PAPOLA: variants seen among roughly 807,000 people sequenced by gnomAD.
The protein encoded by PAPOLA is poly(A) polymerase alpha, also known as polynucleotide adenylyltransferase alpha.
PAPOLA carries 15 observed loss-of-function variants against 100.6 expected under a neutral mutation model. That is an observed-to-expected ratio of 0.15 (90% CI 0.10 to 0.23). The LOEUF (loss-of-function observed/expected upper bound fraction) is 0.23. PAPOLA is among the 10% of genes least tolerant of loss of function. The probability of loss-of-function intolerance (pLI) is 1.00; values close to 1 mark genes in which losing one functional copy is unlikely to be tolerated. For synonymous variants in PAPOLA, 293 were observed against 300.0 expected (o/e 0.98, Z 0.24); for missense variants, 533 against 884.2 (o/e 0.60, Z 5.04).
In PAPOLA at chr14:96,565,402, C is replaced by T. The variant is rs1291291150; in HGVS notation, c.*352C>T. 3.2e-6 allele frequency: 1 copy of T among 314,116 alleles called. No homozygotes were observed. The highest frequency in any genetic ancestry group is 5.8e-6 in the Non-Finnish European group (1 of 171,962). The allele number at this position is 314,116 out of a possible 1,614,324, so 19.5% of individuals were successfully genotyped here. A position where few individuals can be genotyped will look rare whatever the true frequency, so the allele number is the denominator to read the frequency against. ...GCAATACAAACTGGCATAAGAATTA[C>T]TTATTCTGATGATGCACTTTTATGT... is the stretch of plus-strand genomic sequence containing the variant. On this transcript the variant is annotated 3_prime_UTR_variant, in exon 22 of 22. Coordinates refer to ENST00000216277, the MANE Select transcript of PAPOLA (RefSeq NM_032632.5).
At chr14:96,540,998 T>A (rs192596850) in intron 12 of PAPOLA, among the ~76,000 whole-genome samples, 2 of 152,330 alleles carry the variant, frequency 1.3e-5, no homozygotes, top group Admixed American at 1.3e-4. Flanking sequence ...CATGCCATTC[T>A]CCTGCCTCAG....
At chr14:96,559,550 C>CCTCTCTCTCTCTCT (rs66829530) in intron 19 of PAPOLA, among the ~76,000 whole-genome samples, 40 of 118,478 alleles carry the variant, frequency 3.4e-4, no homozygotes, top group African/African-American at 1.1e-3. Flanking sequence ...GCTAAATTAA[C>CCTCTCTCTCTCTCT]CTCTCTCTCT....
intron 13 of PAPOLA, 171 bp downstream of exon 13, chr14:96,542,467 A>G: frequency 1.8e-6 from 1 of 563,874 alleles, no homozygotes; most frequent in Non-Finnish European, 3.1e-6. Context: ...GGAGATCCAT[A>G]TGCAACTTAT....
intron 3 of PAPOLA, among the ~76,000 whole-genome samples, chr14:96,522,550 A>G (rs1203385581): frequency 3.3e-5 from 5 of 151,912 alleles, no homozygotes; most frequent in Non-Finnish European, 7.4e-5. Flanking sequence ...AGCTGGGACT[A>G]TATAGGTGGG....
chr14:96,556,285 C>T lies in PAPOLA; in HGVS notation c.1876C>T (p.Pro626Ser), dbSNP rs1035776620. 6 of 1,613,874 alleles carry T rather than the reference C, an allele frequency of 3.7e-6. No homozygotes were observed. Among genetic ancestry groups the T allele is most frequent in the Non-Finnish European group, 4.2e-6 (5 of 1,179,998 alleles). Reference sequence around the variant, plus strand: ...TTCAACACGTCTGGTAAACCCACCACCTAGATCTTCAGGAAATGCAGCAAC... The same window carrying T: ...TTCAACACGTCTGGTAAACCCACCATCTAGATCTTCAGGAAATGCAGCAAC... The part of the protein sequence containing the change: ...VSSTRLVNPP[P>S]RSSGNAATSG... Residue 626 changes from proline (P) to serine (S), a missense_variant, in exon 19 of 22, where the codon CCT (proline) becomes TCT (serine). Physicochemically the swap from Pro to Ser is moderately conservative, Grantham distance 74. This residue lies in a region of PAPOLA where 242 missense variants were observed against 281.0 expected (regional missense o/e 0.86). Transcript: ENST00000216277.
chr14:96,510,174 C>T (rs1004260219), intron 1 of PAPOLA, among the ~76,000 whole-genome samples: 1 of 151,888 alleles, frequency 6.6e-6, no homozygotes, highest in African/African-American at 2.4e-5. Context: ...GATTTTACGG[C>T]AGTTTTTATA....
intron 10 of PAPOLA, chr14:96,535,109 A>T (rs1428631779): frequency 1.0e-6 from 1 of 980,128 alleles, no homozygotes; most frequent in South Asian, 4.7e-5. Context: ...AAGTTACAAC[A>T]TTTACCGCTT....
chr14:96,533,239 A>T, intron 9 of PAPOLA: 8 of 983,868 alleles, frequency 8.1e-6, no homozygotes, highest in Non-Finnish European at 9.7e-6. Flanking sequence ...GTAGAATAAA[A>T]GATTACTGCC....
chr14:96,516,621 GAGC>G, intron 1 of PAPOLA, among the ~76,000 whole-genome samples: 1 of 152,268 alleles, frequency 6.6e-6, no homozygotes, highest in East Asian at 1.9e-4. Context: ...TTATATGCAT[GAGC>G]CATGGTGCCT....
chr14:96,518,143 A>G (rs1897622390), intron 1 of PAPOLA, among the ~76,000 whole-genome samples: 1 of 152,242 alleles, frequency 6.6e-6, no homozygotes, highest in African/African-American at 2.4e-5. Context: ...ATATTTATTC[A>G]GTAAATGTTA....
rs970000373 is a variant in PAPOLA at position 96,533,001 on chromosome 14, CTCTA to C, written c.836+358_836+361del. The C allele has an allele frequency of 2.0e-4, 200 of 996,182 alleles. No individual in the cohort carries two copies. The African/African-American group carries it at 2.1e-3, about 11-fold the overall frequency. 61.7% of individuals were successfully genotyped at this position (996,182 alleles called of 1,614,324 possible). ...CACTACCTCTTTCACTCTTTTAATT[CTCTA>C]TCTATAGGCCATTAGTTTCTTGTGA... On this transcript the variant is annotated intron_variant, in intron 9 of 21. Transcript: ENST00000216277.
At chr14:96,523,746 A>C (rs939336078) in intron 3 of PAPOLA, among the ~76,000 whole-genome samples, 4 of 152,136 alleles carry the variant, frequency 2.6e-5, no homozygotes, top group African/African-American at 7.2e-5. Context: ...AGTTCGAGAC[A>C]AGCCTGACTA....
intron 19 of PAPOLA, among the ~76,000 whole-genome samples, chr14:96,559,030 T>C (rs1169354829): frequency 1.3e-5 from 2 of 151,920 alleles, no homozygotes; most frequent in Non-Finnish European, 2.9e-5. Flanking sequence ...TTTTTTTTTT[T>C]TTGGTGTATG....
intron 1 of PAPOLA, among the ~76,000 whole-genome samples, chr14:96,512,214 CTTGA>C (rs925534997): frequency 5.3e-5 from 8 of 151,434 alleles, no homozygotes; most frequent in Non-Finnish European, 7.4e-5. Flanking sequence ...CTCAATTCTG[CTTGA>C]TTGTGTTTCT....
At chr14:96,534,799 C>G in intron 10 of PAPOLA, 1 of 1,272,380 alleles carries the variant, frequency 7.9e-7, no homozygotes, top group Non-Finnish European at 1.0e-6. Flanking sequence ...ACAGATTTTA[C>G]TAACATTTTA....
chr14:96,544,104 T>G (rs1423883330), intron 14 of PAPOLA, 45 bp from the exon 15 acceptor site: 1 of 1,032,870 alleles, frequency 9.7e-7, no homozygotes, highest in South Asian at 1.3e-5. Flanking sequence ...GATAGCTACA[T>G]TTTCATGAAA....
At chr14:96,504,983 C>T (rs1415568379) in intron 1 of PAPOLA, among the ~76,000 whole-genome samples, 2 of 152,042 alleles carry the variant, frequency 1.3e-5, no homozygotes, top group Non-Finnish European at 2.9e-5. Context: ...TCAAAATTAT[C>T]GAAATTTAGG....
intron 15 of PAPOLA, among the ~76,000 whole-genome samples, chr14:96,544,709 T>A (rs546809246): frequency 6.6e-6 from 1 of 152,154 alleles, no homozygotes; most frequent in Admixed American, 6.5e-5. Context: ...GACTTGCGCA[T>A]AATTTCTTGA....
intron 1 of PAPOLA, among the ~76,000 whole-genome samples, chr14:96,509,478 A>T (rs1896958406): frequency 6.6e-6 from 1 of 152,270 alleles, no homozygotes; most frequent in Non-Finnish European, 1.5e-5. Context: ...GTATACTTGT[A>T]GTATACACAG....
Sources: gnomAD v4.1 joint callset for allele counts (sites outside exome capture counted in the v4.1 genomes callset) on GRCh38, gnomAD v4.1.1 for gene constraint, gnomAD v4.1.1 regional missense constraint, MANE v1.5 for transcripts, NCBI Gene and HGNC (gene_info 2026-07-23, HGNC 2026-07-21) for gene names.